The following CLSTN2 variants were observed in gnomAD, a reference collection of about 807,000 sequenced individuals.
CLSTN2 encodes calsyntenin 2, also known as calsyntenin-2.
In CLSTN2, 48 loss-of-function variants were observed where a neutral mutation model predicts 101.2. The observed-to-expected ratio is 0.47, with a 90% CI of 0.38 to 0.60. The LOEUF is 0.60. Ranked by LOEUF, CLSTN2 falls within the 20% of genes least tolerant of loss-of-function variation. CLSTN2 has a pLI of 0.00. For missense variants in CLSTN2, 1,160 were observed against 1,238.2 expected (o/e 0.94, Z 0.95); for synonymous variants, 481 against 463.6 (o/e 1.04, Z -0.48).
Position 140,172,157 on chromosome 3 carries a change from C to A in CLSTN2, c.110-3794C>A, listed in dbSNP as rs114667502. ...ATCGGAACAATTTTGATTATTCTAGCCCCCCTCTAACCTGTTATTTTGAAT... is the reference window on the plus strand; with the variant it reads ...ATCGGAACAATTTTGATTATTCTAGACCCCCTCTAACCTGTTATTTTGAAT... On this transcript the variant is annotated intron_variant, in intron 1 of 16. Transcript: ENST00000458420. Among the ~76,000 whole-genome samples, 1,313 of 151,088 alleles carry A rather than the reference C, an allele frequency of 8.7e-3. 19 individuals are homozygous for A. The highest frequency in any genetic ancestry group is 0.03 in the African/African-American group (1,222 of 41,038).
At chr3:140,075,414 T>C (rs2008470136) in intron 1 of CLSTN2, among the ~76,000 whole-genome samples, 1 of 152,218 alleles carries the variant, frequency 6.6e-6, no homozygotes, top group Non-Finnish European at 1.5e-5. Context: ...CTTTTTTGAC[T>C]CATGGGTTAT....
At chr3:140,257,461 T>C (rs896465413) in intron 2 of CLSTN2, among the ~76,000 whole-genome samples, 2 of 152,164 alleles carry the variant, frequency 1.3e-5, no homozygotes, top group African/African-American at 4.8e-5. Context: ...AAATTGACTA[T>C]TGTTCAGTTA....
chr3:140,318,017 G>A (rs2087245449), intron 2 of CLSTN2, among the ~76,000 whole-genome samples: 1 of 152,176 alleles, frequency 6.6e-6, no homozygotes, highest in Admixed American at 6.5e-5. Context: ...ACCGCTGTAT[G>A]GGGTAGGAAC....
At chr3:140,393,730 G>A (rs2088148289) in intron 2 of CLSTN2, among the ~76,000 whole-genome samples, 1 of 152,112 alleles carries the variant, frequency 6.6e-6, no homozygotes, top group African/African-American at 2.4e-5. Context: ...TGAGAGCTGT[G>A]GGCAAATGAG....
At chr3:140,272,432 T>C (rs755545929) in intron 2 of CLSTN2, among the ~76,000 whole-genome samples, 28 of 150,594 alleles carry the variant, frequency 1.9e-4, no homozygotes, top group Non-Finnish European at 3.6e-4. Context: ...TAGAATACAA[T>C]AGCCAATCAG....
At chr3:140,411,202 G>A (rs577898436) in intron 4 of CLSTN2, among the ~76,000 whole-genome samples, 10 of 152,252 alleles carry the variant, frequency 6.6e-5, no homozygotes, top group Admixed American at 2.6e-4. Flanking sequence ...TTTTAAGGAC[G>A]TGAAAATAAT....
chr3:140,477,903 G>A (rs1273787073), intron 8 of CLSTN2, among the ~76,000 whole-genome samples: 1 of 152,184 alleles, frequency 6.6e-6, no homozygotes, highest in East Asian at 1.9e-4. Context: ...AAAACACACT[G>A]TGTCATAGGC....
Position 140,419,741 on chromosome 3 carries a change from G to A in CLSTN2, c.638-1384G>A, listed in dbSNP as rs554007781. Among the ~76,000 whole-genome samples the A allele has an allele frequency of 2.8e-3, 174 of 61,708 alleles. 48 individuals are homozygous for A. The highest frequency in any genetic ancestry group is 0.012 in the South Asian group (29 of 2,504). 40.5% of individuals were successfully genotyped at this position (61,708 alleles called of 152,430 possible). On this transcript the variant is annotated intron_variant, in intron 4 of 16. Coordinates refer to ENST00000458420, the MANE Select transcript of CLSTN2 (RefSeq NM_022131.3). ...TATATACGTATATACATGTATATAC[G>A]TATATATACACATATACGTGTATAC...
chr3:140,199,544 T>TA (rs1382342601), intron 2 of CLSTN2, among the ~76,000 whole-genome samples: 1 of 152,220 alleles, frequency 6.6e-6, no homozygotes, highest in Non-Finnish European at 1.5e-5. Context: ...GTAAGAATCA[T>TA]CAGGGGTGCT....
chr3:140,525,208 A>G (rs114680301), intron 8 of CLSTN2, among the ~76,000 whole-genome samples: 2,164 of 152,338 alleles, frequency 0.014, 19 homozygotes, highest in Middle Eastern at 0.024. Context: ...TAGCTAGATT[A>G]ACAAATACAG....
chr3:140,063,306 T>C (rs2008237813), intron 1 of CLSTN2, among the ~76,000 whole-genome samples: 1 of 152,192 alleles, frequency 6.6e-6, no homozygotes, highest in Non-Finnish European at 1.5e-5. Context: ...TAGTGAACCC[T>C]GGGCTAGATG....
intron 1 of CLSTN2, among the ~76,000 whole-genome samples, chr3:140,082,746 C>A (rs1378831405): frequency 1.3e-5 from 2 of 152,174 alleles, no homozygotes; most frequent in Non-Finnish European, 2.9e-5. Context: ...ATCCATGAAG[C>A]CCCCATGATC....
intron 1 of CLSTN2, among the ~76,000 whole-genome samples, chr3:140,097,899 G>T (rs1425308858): frequency 1.3e-5 from 2 of 152,064 alleles, no homozygotes; most frequent in Non-Finnish European, 2.9e-5. Context: ...TCGTATTTTT[G>T]TTCTCCATCT....
chr3:140,154,043 G>C (rs1346567006), intron 1 of CLSTN2, among the ~76,000 whole-genome samples: 2 of 152,224 alleles, frequency 1.3e-5, no homozygotes, highest in African/African-American at 4.8e-5. Flanking sequence ...TTGCTCTCAG[G>C]ACTTGGATTC....
intron 8 of CLSTN2, among the ~76,000 whole-genome samples, chr3:140,511,019 C>A (rs1934803083): frequency 6.6e-6 from 1 of 152,128 alleles, no homozygotes; most frequent in Non-Finnish European, 1.5e-5. Flanking sequence ...CTTACTCTAC[C>A]CCGTTCGACA....
intron 2 of CLSTN2, among the ~76,000 whole-genome samples, chr3:140,290,833 C>T (rs367662222): frequency 1.3e-5 from 2 of 152,214 alleles, no homozygotes; most frequent in Non-Finnish European, 2.9e-5. Flanking sequence ...CAGACAACAG[C>T]TCCTTTACCA....
chr3:140,419,522 T>C (rs1459606598), intron 4 of CLSTN2, among the ~76,000 whole-genome samples: 18 of 44,580 alleles, frequency 4.0e-4, no homozygotes, highest in Admixed American at 7.8e-4. Context: ...TACACACACA[T>C]ATGTGTGTGT....
intron 2 of CLSTN2, among the ~76,000 whole-genome samples, chr3:140,259,906 C>T (rs1429705776): frequency 6.6e-6 from 1 of 151,832 alleles, no homozygotes; most frequent in Non-Finnish European, 1.5e-5. Flanking sequence ...GATCTGTGTA[C>T]TTTGTTCTAA....
intron 1 of CLSTN2, among the ~76,000 whole-genome samples, chr3:140,167,973 T>C (rs2010159690): frequency 6.6e-6 from 1 of 152,228 alleles, no homozygotes; most frequent in African/African-American, 2.4e-5. Context: ...GCCATTTTAG[T>C]TACCAGTTTG....
Sources: gnomAD v4.1 joint callset for allele counts (sites outside exome capture counted in the v4.1 genomes callset) on GRCh38, gnomAD v4.1.1 for gene constraint, MANE v1.5 for transcripts, NCBI Gene and HGNC (gene_info 2026-07-23, HGNC 2026-07-21) for gene names.